GARRE1: variants seen among roughly 807,000 people sequenced by gnomAD.
GARRE1 encodes granule associated Rac and RHOG effector protein 1.
Under a neutral mutation model 103.2 loss-of-function variants are expected in GARRE1, and 49 were observed. The observed-to-expected ratio is 0.47, with a 90% CI of 0.38 to 0.60. GARRE1 has a LOEUF of 0.60. Among genes scored for constraint, GARRE1 ranks in the 20% least tolerant of loss-of-function variants. The pLI is 0.00. For missense variants in GARRE1, 1,199 were observed against 1,370.5 expected (o/e 0.87, Z 1.98); for synonymous variants, 505 against 532.8 (o/e 0.95, Z 0.72).
chr19:34,282,200 G>A (rs1451757646), intron 1 of GARRE1, among the ~76,000 whole-genome samples: 1 of 151,630 alleles, frequency 6.6e-6, no homozygotes, highest in African/African-American at 2.4e-5. Flanking sequence ...GCCTAGAGCT[G>A]GAATGCAATA....
chr19:34,283,578 A>G (rs2073867742), intron 1 of GARRE1, among the ~76,000 whole-genome samples: 1 of 152,152 alleles, frequency 6.6e-6, no homozygotes, highest in African/African-American at 2.4e-5. Context: ...TCCTTATTTT[A>G]TAGATGATGA....
Position 34,327,851 on chromosome 19 carries a change from T to C in GARRE1, c.927T>C (p.Ile309=). ...KAGFHLNPKA[I]EASLQGCCSE... ...GCTTCCACCTGAATCCAAAGGCGAT[T>C]GAAGCAAGTTTGCAGGTACACTTTT... Residue 309 remains isoleucine, a synonymous_variant, in exon 5 of 14, where the codon ATT becomes ATC. Transcript: ENST00000299505. 6.2e-7 allele frequency: 1 copy of C among 1,614,220 alleles called. No homozygotes were observed. The highest frequency in any genetic ancestry group is 8.5e-7 in the Non-Finnish European group (1 of 1,180,020).
intron 2 of GARRE1, among the ~76,000 whole-genome samples, chr19:34,316,918 G>A (rs1257103966): frequency 6.6e-6 from 1 of 152,176 alleles, no homozygotes; most frequent in Admixed American, 6.5e-5. Context: ...AAACTGACCT[G>A]TGTCTCTTCC....
At chr19:34,326,647 T>C (rs2074113207) in intron 3 of GARRE1, among the ~76,000 whole-genome samples, 2 of 152,150 alleles carry the variant, frequency 1.3e-5, no homozygotes, top group Admixed American at 1.3e-4. Context: ...TCATGTGGTC[T>C]TTTCCTTCAC....
chr19:34,317,699 C>T (rs1488042576), intron 2 of GARRE1, among the ~76,000 whole-genome samples: 1 of 152,162 alleles, frequency 6.6e-6, no homozygotes. Flanking sequence ...AGATTGTGTC[C>T]CGTTGACAAA....
At chr19:34,307,706 CTTATATAT>C (rs2074015333) in intron 2 of GARRE1, among the ~76,000 whole-genome samples, 1 of 124,554 alleles carries the variant, frequency 8.0e-6, no homozygotes. Flanking sequence ...TACATATATA[CTTATATAT>C]ATACTATATA....
At chr19:34,310,984 T>C (rs957407258) in intron 2 of GARRE1, among the ~76,000 whole-genome samples, 1 of 152,078 alleles carries the variant, frequency 6.6e-6, no homozygotes, top group African/African-American at 2.4e-5. Flanking sequence ...TTTCTTTCTT[T>C]ACCTTCTTTC....
In GARRE1 at chr19:34,339,924, G is replaced by A; in HGVS notation, c.1419G>A (p.Glu473=). ...MSLLQRSLDP[E]KTLGLVDVLY... is the part of the protein sequence containing the mutation. ...TGCTGCAGAGAAGCCTTGATCCTGA[G>A]AAGACCCTGGGTCTAGTGGACGTGC... The change falls in exon 9 of 14, where the codon GAG becomes GAA. Residue 473 remains glutamate, a synonymous_variant. Coordinates refer to ENST00000299505, the MANE Select transcript of GARRE1 (RefSeq NM_014686.5). 6.2e-7 allele frequency: 1 copy of A among 1,614,012 alleles called. No homozygotes were observed. Among genetic ancestry groups the A allele is most frequent in the Non-Finnish European group, 8.5e-7 (1 of 1,179,994 alleles).
At chr19:34,344,010 A>G (rs1303538584) in intron 10 of GARRE1, among the ~76,000 whole-genome samples, 1 of 152,230 alleles carries the variant, frequency 6.6e-6, no homozygotes, top group East Asian at 1.9e-4. Flanking sequence ...TGGACTTCAC[A>G]GCAAATGCAG....
intron 2 of GARRE1, among the ~76,000 whole-genome samples, chr19:34,310,107 G>A (rs917074542): frequency 2.0e-5 from 3 of 152,206 alleles, no homozygotes; most frequent in Non-Finnish European, 2.9e-5. Flanking sequence ...AAAGGCTTGC[G>A]TGATGTGCTA....
At chr19:34,296,756 C>T (rs546960832) in intron 1 of GARRE1, among the ~76,000 whole-genome samples, 3 of 152,188 alleles carry the variant, frequency 2.0e-5, no homozygotes, top group Admixed American at 1.3e-4. Context: ...TACCTTAAGC[C>T]GCAGCTCCCG....
At chr19:34,327,720 A>G (rs1191717645) in intron 4 of GARRE1, 51 bp from the exon 5 acceptor site, 6 of 1,543,608 alleles carry the variant, frequency 3.9e-6, no homozygotes, top group Non-Finnish European at 5.3e-6. Flanking sequence ...GAACTTTGTC[A>G]TCTTATAATT....
chr19:34,254,878 G>A (rs1186676576), intron 1 of GARRE1, among the ~76,000 whole-genome samples: 1 of 150,690 alleles, frequency 6.6e-6, no homozygotes, highest in East Asian at 1.9e-4. Flanking sequence ...ACCTGGGGGC[G>A]CGTCGGAGAC....
At chr19:34,352,543 C>G in intron 13 of GARRE1, 104 bp from the exon 14 acceptor site, 2 of 935,358 alleles carry the variant, frequency 2.1e-6, no homozygotes, top group South Asian at 3.0e-5. Context: ...GAGTGGGGCT[C>G]TCACCCGGCT....
chr19:34,259,332 A>G (rs1319719734), intron 1 of GARRE1, among the ~76,000 whole-genome samples: 1 of 152,096 alleles, frequency 6.6e-6, no homozygotes, highest in East Asian at 1.9e-4. Context: ...TAGACTTTGT[A>G]CCTTTTCTTA....
chr19:34,342,732 T>C (rs1252235175), intron 10 of GARRE1, among the ~76,000 whole-genome samples: 2 of 152,096 alleles, frequency 1.3e-5, no homozygotes, highest in East Asian at 1.9e-4. Context: ...CAAAGTCCCA[T>C]AGTTCAAGTA....
chr19:34,282,873 G>T (rs1334831396), intron 1 of GARRE1, among the ~76,000 whole-genome samples: 1 of 152,206 alleles, frequency 6.6e-6, no homozygotes, highest in Non-Finnish European at 1.5e-5. Flanking sequence ...GTTGTAAAAA[G>T]TGGCCAGCTT....
intron 1 of GARRE1, among the ~76,000 whole-genome samples, chr19:34,291,677 C>CATG (rs1219848741): frequency 3.9e-5 from 6 of 152,202 alleles, no homozygotes; most frequent in African/African-American, 1.4e-4. Flanking sequence ...CAAGAGCCTT[C>CATG]ATGACCTAAT....
intron 1 of GARRE1, among the ~76,000 whole-genome samples, chr19:34,266,581 T>C (rs926258430): frequency 1.3e-5 from 2 of 152,184 alleles, no homozygotes; most frequent in African/African-American, 4.8e-5. Flanking sequence ...AGGATGGTCT[T>C]GATCTCTTCA....
Sources: allele counts gnomAD v4.1 joint callset (sites outside exome capture counted in the v4.1 genomes callset), GRCh38; gene constraint gnomAD v4.1.1; transcripts MANE v1.5; gene names NCBI Gene and HGNC (gene_info 2026-07-23, HGNC 2026-07-21).